Variants in MARCHF1 observed in about 807,000 individuals in gnomAD.
The protein encoded by MARCHF1 is E3 ubiquitin-protein ligase MARCHF1.
MARCHF1 carries 40 observed loss-of-function variants against 54.2 expected under a neutral mutation model. The observed-to-expected ratio is 0.74, with a 90% CI of 0.57 to 0.96. The LOEUF (loss-of-function observed/expected upper bound fraction) is 0.96. Ranked by LOEUF, MARCHF1 falls within the 40% of genes least tolerant of loss-of-function variation. The pLI, the probability that MARCHF1 is intolerant of heterozygous loss-of-function variation, is 0.00. For missense variants in MARCHF1, 586 were observed against 656.5 expected (o/e 0.89, Z 1.17); for synonymous variants, 236 against 236.3 (o/e 1.00, Z 0.01).
At chr4:163,960,653 T>C (rs1197116135) in intron 3 of MARCHF1, among the ~76,000 whole-genome samples, 1 of 151,706 alleles carries the variant, frequency 6.6e-6, no homozygotes, top group Non-Finnish European at 1.5e-5. Flanking sequence ...GGTGTCTACT[T>C]GAGTGTGGAG....
At chr4:163,923,152 G>A (rs180919844) in intron 3 of MARCHF1, among the ~76,000 whole-genome samples, 13 of 148,038 alleles carry the variant, frequency 8.8e-5, no homozygotes, top group Admixed American at 4.0e-4. Flanking sequence ...AATACTTTAT[G>A]TAATTCCTTG....
At position 164,049,078 on chromosome 4, in the gene MARCHF1, C is replaced by T. The variant is rs567666280; in HGVS notation, c.-247-60369G>A. The stretch of plus-strand genomic sequence containing the variant: ...TCATTTTCACACTGCTATAAAGATA[C>T]TACCTGAGAATGTGCAATTTATAAA... On this transcript the variant is annotated intron_variant, in intron 2 of 9. Transcript: ENST00000514618. Among the ~76,000 whole-genome samples, 7 of 152,300 alleles carry T rather than the reference C, an allele frequency of 4.6e-5. No homozygotes were observed. The South Asian group carries it at 1.5e-3, about 32-fold the overall frequency.
intron 8 of MARCHF1, among the ~76,000 whole-genome samples, chr4:163,575,847 T>C (rs1283844176): frequency 6.6e-6 from 1 of 152,096 alleles, no homozygotes; most frequent in African/African-American, 2.4e-5. Flanking sequence ...GTGTCCATAA[T>C]AGTCTTTGGA....
chr4:163,890,933 A>C (rs1579369978), intron 3 of MARCHF1, among the ~76,000 whole-genome samples: 1 of 152,234 alleles, frequency 6.6e-6, no homozygotes, highest in Non-Finnish European at 1.5e-5. Flanking sequence ...TAGTGCCTAA[A>C]AAAGGCATAA....
intron 3 of MARCHF1, among the ~76,000 whole-genome samples, chr4:163,970,814 T>C (rs1752532117): frequency 6.6e-6 from 1 of 152,244 alleles, no homozygotes; most frequent in African/African-American, 2.4e-5. Context: ...AAAATCTTTA[T>C]TCTCTAAGAC....
chr4:164,203,291 G>A (rs1162452994), intron 1 of MARCHF1, among the ~76,000 whole-genome samples: 1 of 151,958 alleles, frequency 6.6e-6, no homozygotes, highest in Non-Finnish European at 1.5e-5. Flanking sequence ...AGGGATAGGG[G>A]TGTGTGGCTG....
intron 1 of MARCHF1, among the ~76,000 whole-genome samples, chr4:164,168,482 G>A (rs1459971465): frequency 1.3e-5 from 2 of 151,884 alleles, no homozygotes; most frequent in East Asian, 1.9e-4. Context: ...GCCAAGATCT[G>A]GAAAAAATTT....
At chr4:163,981,693 G>T (rs897608966) in intron 3 of MARCHF1, among the ~76,000 whole-genome samples, 1 of 152,270 alleles carries the variant, frequency 6.6e-6, no homozygotes, top group African/African-American at 2.4e-5. Flanking sequence ...CATTGTCAGT[G>T]CTCCCTTTGT....
rs189980796 is a variant in MARCHF1 at position 163,686,139 on chromosome 4, T to C, written c.162+14674A>G. ...TATATAGCAGATGCTTACTGAGTGA[T>C]CTTATTAATATTAGTAAGACATAAT... On this transcript the variant is annotated intron_variant, in intron 5 of 9. Transcript: ENST00000514618. Among the ~76,000 whole-genome samples, 365 of 152,290 alleles carry C rather than the reference T, an allele frequency of 2.4e-3. 4 individuals are homozygous for C. The highest frequency in any genetic ancestry group is 6.4e-3 in the African/African-American group (264 of 41,558).
In MARCHF1 at chr4:163,653,220, C is replaced by T. The variant is rs183919099; in HGVS notation, c.163-39827G>A. 2.0e-3 allele frequency among the ~76,000 whole-genome samples: 302 copies of T among 151,806 alleles called. 2 individuals are homozygous for T. Among genetic ancestry groups the T allele is most frequent in the Non-Finnish European group, 3.5e-3 (237 of 67,800 alleles). The stretch of plus-strand genomic sequence containing the variant: ...GAGTGCTCTTGTAAGTGGACATGAA[C>T]CAGCTAAGAAGACATGAACATGCTC... On this transcript the variant is annotated intron_variant, in intron 5 of 9. Transcript: ENST00000514618.
intron 7 of MARCHF1, among the ~76,000 whole-genome samples, chr4:163,588,509 T>C (rs535218697): frequency 1.3e-5 from 2 of 152,344 alleles, no homozygotes; most frequent in African/African-American, 2.4e-5. Flanking sequence ...ATATTTATTT[T>C]TGGAGCCACT....
intron 2 of MARCHF1, among the ~76,000 whole-genome samples, chr4:164,049,135 G>A (rs566693128): frequency 1.2e-4 from 19 of 152,324 alleles, no homozygotes; most frequent in East Asian, 7.7e-4. Flanking sequence ...ACAGTTCTGC[G>A]TGGCTGAGAA....
At position 163,795,308 on chromosome 4, in the gene MARCHF1, C is replaced by A. The variant is rs181121085; in HGVS notation, c.111+58713G>T. On this transcript the variant is annotated intron_variant, in intron 4 of 9. Transcript: ENST00000514618. ...GCAATGGTGCAATCTTGGCTCACTGCAACCTCTGCCTCCCGGGTTCAAGAG... is the reference window on the plus strand; with the variant it reads ...GCAATGGTGCAATCTTGGCTCACTGAAACCTCTGCCTCCCGGGTTCAAGAG... 4.9e-3 allele frequency among the ~76,000 whole-genome samples: 748 copies of A among 152,224 alleles called. 21 individuals carry two copies. The highest frequency in any genetic ancestry group is 6.9e-4 in the Non-Finnish European group (47 of 68,018).
At chr4:163,634,737 C>T (rs1403969011) in intron 5 of MARCHF1, among the ~76,000 whole-genome samples, 1 of 149,256 alleles carries the variant, frequency 6.7e-6, no homozygotes, top group African/African-American at 2.5e-5. Flanking sequence ...CAGCTCTGCA[C>T]CAAGCGGACC....
chr4:163,890,137 T>G (rs1345053467), intron 3 of MARCHF1, among the ~76,000 whole-genome samples: 7 of 150,164 alleles, frequency 4.7e-5, no homozygotes, highest in Admixed American at 4.7e-4. Context: ...GGTTTCACCG[T>G]GTTAGCCAGG....
At chr4:163,718,878 C>T (rs1348223318) in intron 4 of MARCHF1, among the ~76,000 whole-genome samples, 4 of 152,152 alleles carry the variant, frequency 2.6e-5, no homozygotes, top group African/African-American at 9.7e-5. Context: ...GTGTTAGCAT[C>T]TGCTATTGTA....
At chr4:163,618,946 A>G (rs955424504) in intron 5 of MARCHF1, among the ~76,000 whole-genome samples, 7 of 151,890 alleles carry the variant, frequency 4.6e-5, no homozygotes, top group Non-Finnish European at 1.0e-4. Context: ...AGAGAAGGAG[A>G]CGCCTGTCCA....
intron 4 of MARCHF1, among the ~76,000 whole-genome samples, chr4:163,740,930 A>G (rs1746177179): frequency 6.6e-6 from 1 of 152,146 alleles, no homozygotes; most frequent in South Asian, 2.1e-4. Context: ...TAAGAATAAC[A>G]TCTGTCAATA....
At chr4:163,531,806 A>G (rs1738363255) in intron 9 of MARCHF1, among the ~76,000 whole-genome samples, 1 of 151,870 alleles carries the variant, frequency 6.6e-6, no homozygotes, top group Non-Finnish European at 1.5e-5. Flanking sequence ...ATTTGAAATT[A>G]AAAACATAAG....
Sources: allele counts gnomAD v4.1 joint callset (sites outside exome capture counted in the v4.1 genomes callset), GRCh38; gene constraint gnomAD v4.1.1; transcripts MANE v1.5; gene names NCBI Gene and HGNC (gene_info 2026-07-23, HGNC 2026-07-21).